The following OXR1 variants were observed in gnomAD, a reference collection of about 807,000 sequenced individuals.
OXR1 encodes the protein oxidation resistance 1.
A neutral mutation model predicts 104.6 loss-of-function variants in OXR1; 41 were observed. That is an observed-to-expected ratio of 0.39 (90% CI 0.31 to 0.51). The LOEUF is 0.51. Ranked by LOEUF, OXR1 falls within the 20% of genes least tolerant of loss-of-function variation. The pLI is 0.77. For synonymous variants in OXR1, 348 were observed against 348.4 expected, an observed-to-expected ratio of 1.00 and a Z score of 0.01; for missense variants, 955 against 1,031.9, an observed-to-expected ratio of 0.93 and a Z score of 1.02.
intron 2 of OXR1, among the ~76,000 whole-genome samples, chr8:106,508,431 A>G (rs1366329774): frequency 7.1e-6 from 1 of 141,690 alleles, no homozygotes; most frequent in Admixed American, 7.5e-5. Context: ...TGAAGCCACT[A>G]TCATCTAAGC....
intron 9 of OXR1, among the ~76,000 whole-genome samples, chr8:106,710,173 G>A (rs953710204): frequency 9.2e-5 from 14 of 151,990 alleles, no homozygotes; most frequent in African/African-American, 3.4e-4. Context: ...ACATGTAAAA[G>A]CATTAGAAAC....
intron 2 of OXR1, among the ~76,000 whole-genome samples, chr8:106,493,044 CT>C (rs1034462223): frequency 1.3e-5 from 2 of 151,736 alleles, no homozygotes; most frequent in Non-Finnish European, 1.5e-5. Flanking sequence ...GGCTAGGAGA[CT>C]TTTTTTTAAA....
chr8:106,392,041 G>T (rs1028231874), intron 2 of OXR1, among the ~76,000 whole-genome samples: 3 of 152,152 alleles, frequency 2.0e-5, no homozygotes, highest in African/African-American at 4.8e-5. Context: ...GCTGCAGGAC[G>T]TTTGAAAGAA....
At chr8:106,556,905 C>T (rs1050650304) in intron 3 of OXR1, among the ~76,000 whole-genome samples, 3 of 152,208 alleles carry the variant, frequency 2.0e-5, no homozygotes, top group African/African-American at 7.2e-5. Flanking sequence ...CCTCCCATAG[C>T]TTTGAGCCGT....
chr8:106,363,712 T>C (rs774563742), intron 2 of OXR1, among the ~76,000 whole-genome samples: 1 of 152,188 alleles, frequency 6.6e-6, no homozygotes, highest in Non-Finnish European at 1.5e-5. Context: ...GGCAGTAGTG[T>C]TGTTTAGCCA....
intron 3 of OXR1, among the ~76,000 whole-genome samples, chr8:106,543,174 C>T (rs1210688896): frequency 6.6e-6 from 1 of 152,160 alleles, no homozygotes; most frequent in Non-Finnish European, 1.5e-5. Flanking sequence ...TCATCATTCA[C>T]AGAATTCCAT....
chr8:106,506,327 G>C (rs1451586229), intron 2 of OXR1, among the ~76,000 whole-genome samples: 1 of 152,144 alleles, frequency 6.6e-6, no homozygotes, highest in African/African-American at 2.4e-5. Context: ...AAAACAGAGA[G>C]TTTTGGCCAG....
At chr8:106,512,041 C>A (rs770608182) in intron 2 of OXR1, among the ~76,000 whole-genome samples, 1 of 152,114 alleles carries the variant, frequency 6.6e-6, no homozygotes, top group African/African-American at 2.4e-5. Flanking sequence ...TTTTTCAAAG[C>A]AAACATTTAT....
chr8:106,506,389 G>A (rs889581520), intron 2 of OXR1, among the ~76,000 whole-genome samples: 7 of 152,116 alleles, frequency 4.6e-5, no homozygotes, highest in East Asian at 1.9e-4. Flanking sequence ...CAAGGTGGGC[G>A]GATCACGAGG....
intron 3 of OXR1, chr8:106,522,799 C>T (rs944703471): frequency 6.6e-5 from 10 of 151,504 alleles, no homozygotes; most frequent in African/African-American, 2.4e-4. Context: ...ATGATCACAA[C>T]TGACCATAGA....
chr8:106,430,115 T>C (rs1019547098), intron 2 of OXR1, among the ~76,000 whole-genome samples: 1 of 152,146 alleles, frequency 6.6e-6, no homozygotes, highest in Non-Finnish European at 1.5e-5. Context: ...TCTTTAAGTC[T>C]TTTTTGTAAA....
chr8:106,688,885 TCTATAACTGAGAC>T (rs1829011233), intron 6 of OXR1, among the ~76,000 whole-genome samples: 2 of 152,130 alleles, frequency 1.3e-5, no homozygotes, highest in African/African-American at 4.8e-5. Flanking sequence ...GTGCAGGTAC[TCTATAACTGAGAC>T]ATATGATCTA....
At chr8:106,682,128 C>T (rs1055891625) in intron 4 of OXR1, among the ~76,000 whole-genome samples, 7 of 152,094 alleles carry the variant, frequency 4.6e-5, no homozygotes, top group Admixed American at 4.6e-4. Context: ...CTCAAAACTT[C>T]TATTGCATTC....
At chr8:106,293,401 A>G (rs1812839569) in intron 1 of OXR1, among the ~76,000 whole-genome samples, 1 of 152,194 alleles carries the variant, frequency 6.6e-6, no homozygotes, top group Non-Finnish European at 1.5e-5. Flanking sequence ...AGTGAAAGCC[A>G]TTATTACCAA....
intron 3 of OXR1, among the ~76,000 whole-genome samples, chr8:106,622,242 G>A (rs905265779): frequency 1.3e-5 from 2 of 151,728 alleles, no homozygotes; most frequent in Non-Finnish European, 2.9e-5. Flanking sequence ...CTTCCTCCTC[G>A]GTCCAAACAC....
At chr8:106,366,934 G>T (rs561796111) in intron 2 of OXR1, among the ~76,000 whole-genome samples, 1 of 151,674 alleles carries the variant, frequency 6.6e-6, no homozygotes, top group African/African-American at 2.4e-5. Flanking sequence ...ATTTTGTTTG[G>T]TTTTTATTTG....
intron 2 of OXR1, among the ~76,000 whole-genome samples, chr8:106,420,118 T>C (rs1818844149): frequency 6.6e-6 from 1 of 152,136 alleles, no homozygotes; most frequent in Non-Finnish European, 1.5e-5. Flanking sequence ...ATATTTATTA[T>C]AGGATTATGA....
chr8:106,469,277 T>C (rs1821356832), intron 2 of OXR1, among the ~76,000 whole-genome samples: 1 of 151,784 alleles, frequency 6.6e-6, no homozygotes, highest in African/African-American at 2.4e-5. Context: ...CAGCTCCACT[T>C]TACGTAATTT....
At chr8:106,491,322 C>T (rs1334057250) in intron 2 of OXR1, among the ~76,000 whole-genome samples, 1 of 152,196 alleles carries the variant, frequency 6.6e-6, no homozygotes, top group Non-Finnish European at 1.5e-5. Flanking sequence ...ATTTAACACA[C>T]CTGTAATTAA....
Sources: allele counts gnomAD v4.1 joint callset (sites outside exome capture counted in the v4.1 genomes callset), GRCh38; gene constraint gnomAD v4.1.1; transcripts MANE v1.5; gene names NCBI Gene and HGNC (gene_info 2026-07-23, HGNC 2026-07-21).